NEDD9: variants seen among roughly 807,000 people sequenced by gnomAD.
NEDD9 encodes the protein neural precursor cell expressed, developmentally down-regulated 9, also known as enhancer of filamentation 1.
A neutral mutation model predicts 76.6 loss-of-function variants in NEDD9; 26 were observed. The ratio of observed to expected loss-of-function variants is 0.34; its 90% CI spans 0.25 to 0.47. The LOEUF (loss-of-function observed/expected upper bound fraction) is 0.47. Among genes scored for constraint, NEDD9 ranks in the 20% least tolerant of loss-of-function variants. The pLI is 1.00. For synonymous variants in NEDD9, 392 were observed against 414.2 expected, an observed-to-expected ratio of 0.95 and a Z score of 0.65; for missense variants, 937 against 1,058.5, an observed-to-expected ratio of 0.89 and a Z score of 1.59.
chr6:11,226,484 G>T (rs1251049966), intron 1 of NEDD9, among the ~76,000 whole-genome samples: 9 of 152,116 alleles, frequency 5.9e-5, no homozygotes, highest in African/African-American at 2.2e-4. Context: ...AATTTGTTCA[G>T]ATTTCTTTCT....
intron 3 of NEDD9, among the ~76,000 whole-genome samples, chr6:11,248,659 G>C (rs990167691): frequency 6.6e-6 from 1 of 152,144 alleles, no homozygotes; most frequent in African/African-American, 2.4e-5. Flanking sequence ...AGAAGGCATC[G>C]GAGCCTTTGG....
At chr6:11,274,747 A>G (rs79931448) in intron 3 of NEDD9, among the ~76,000 whole-genome samples, 12,473 of 152,254 alleles carry the variant, frequency 0.082, 604 homozygotes, top group Middle Eastern at 0.15. Flanking sequence ...GAATAAAAGA[A>G]CCCTTACACA....
chr6:11,292,245 T>A (rs1760796185), intron 3 of NEDD9, among the ~76,000 whole-genome samples: 1 of 152,184 alleles, frequency 6.6e-6, no homozygotes, highest in Non-Finnish European at 1.5e-5. Context: ...TGACCCGGTG[T>A]TAAATCAAGA....
intron 3 of NEDD9, among the ~76,000 whole-genome samples, chr6:11,282,260 A>T (rs7765273): frequency 0.99 from 151,383 of 152,354 alleles, 75,213 homozygotes; most frequent in East Asian, 1. Context: ...CCTTGGAGCA[A>T]TTTTACAGTT....
At chr6:11,347,653 A>G (rs1762388271) in intron 1 of NEDD9, among the ~76,000 whole-genome samples, 1 of 152,226 alleles carries the variant, frequency 6.6e-6, no homozygotes, top group African/African-American at 2.4e-5. Flanking sequence ...TGTGCAAATC[A>G]ATAAATGTGA....
chr6:11,239,593 A>G (rs1295045326), intron 3 of NEDD9, among the ~76,000 whole-genome samples: 1 of 152,004 alleles, frequency 6.6e-6, no homozygotes, highest in East Asian at 1.9e-4. Flanking sequence ...TTGATTCTTT[A>G]TATACTGTGA....
chr6:11,245,233 T>C (rs1261605195), intron 3 of NEDD9, among the ~76,000 whole-genome samples: 1 of 152,190 alleles, frequency 6.6e-6, no homozygotes, highest in Non-Finnish European at 1.5e-5. Flanking sequence ...ATGAGACTTA[T>C]GTATTAGGAA....
At position 11,213,816 on chromosome 6, in the gene NEDD9, A is replaced by G. The variant is rs556593717; in HGVS notation, c.13-89T>C. ...GGCCCGTGCTCTTATGGAAAGGCAC[A>G]CTTCCTGGAAAGAGAGAAGCATAAA... On this transcript the variant is annotated intron_variant, in intron 1 of 6. Coordinates refer to ENST00000379446, the MANE Select transcript of NEDD9 (RefSeq NM_006403.4). The surrounding 1 kb of genome is among the most constrained non-coding windows in gnomAD (Gnocchi z 5.4). The G allele has an allele frequency of 1.4e-5, 16 of 1,141,598 alleles. No individual in the cohort carries two copies. In the East Asian group the frequency reaches 3.8e-4, roughly 27 times the overall value. The allele number at this position is 1,141,598 out of a possible 1,614,324, so 70.7% of individuals were successfully genotyped here.
chr6:11,271,232 T>C (rs144428268), intron 3 of NEDD9, among the ~76,000 whole-genome samples: 3 of 152,328 alleles, frequency 2.0e-5, no homozygotes, highest in African/African-American at 7.2e-5. Flanking sequence ...AAATGCGGTC[T>C]CATTTTGTTG....
At chr6:11,246,904 C>T (rs1246864574) in intron 3 of NEDD9, among the ~76,000 whole-genome samples, 8 of 152,202 alleles carry the variant, frequency 5.3e-5, no homozygotes, top group Middle Eastern at 3.4e-3. Flanking sequence ...TCAGAATGAA[C>T]GACATGTGAC....
rs1326441522 is a variant in NEDD9 at position 11,240,086 on chromosome 6, G to A, written c.13-26359C>T. On this transcript the variant is annotated intron_variant, in intron 3 of 3. Transcript: ENST00000397378. ...AAAGAAATTTGTTTCTGCAGATGGA[G>A]GTGGAGGGTAGTGTCTTCTAAAAAA... 2.0e-5 allele frequency among the ~76,000 whole-genome samples: 3 copies of A among 151,698 alleles called. No homozygotes were observed. In the East Asian group the frequency reaches 5.8e-4, roughly 29 times the overall value.
At chr6:11,243,163 GA>G (rs1759741437) in intron 3 of NEDD9, among the ~76,000 whole-genome samples, 1 of 152,154 alleles carries the variant, frequency 6.6e-6, no homozygotes, top group Admixed American at 6.5e-5. Flanking sequence ...CACTTGCCAT[GA>G]CCAGAGAGTG....
chr6:11,362,179 T>C (rs533479213), intron 1 of NEDD9, among the ~76,000 whole-genome samples: 1 of 152,336 alleles, frequency 6.6e-6, no homozygotes, highest in East Asian at 1.9e-4. Flanking sequence ...GAGAGCTCTC[T>C]ACCTCTTTTG....
At chr6:11,306,105 C>T (rs1263073981) in exon 3 of NEDD9, 2 of 1,385,884 alleles carry the variant, frequency 1.4e-6, no homozygotes, top group South Asian at 1.2e-5. Flanking sequence ...ACTTGAAGAA[C>T]ATATGATGTT....
chr6:11,317,758 G>T (rs1049942780), intron 2 of NEDD9, among the ~76,000 whole-genome samples: 1 of 152,178 alleles, frequency 6.6e-6, no homozygotes, highest in Non-Finnish European at 1.5e-5. Flanking sequence ...CAGTGCACCC[G>T]AGAACAGGAA....
chr6:11,290,305 T>C (rs1010643802), intron 3 of NEDD9, among the ~76,000 whole-genome samples: 3 of 152,208 alleles, frequency 2.0e-5, no homozygotes, highest in African/African-American at 7.2e-5. Context: ...CAGACCTTCA[T>C]TCCCCCCAAA....
intron 3 of NEDD9, among the ~76,000 whole-genome samples, chr6:11,286,355 G>A (rs1053741575): frequency 1.3e-5 from 2 of 152,214 alleles, no homozygotes; most frequent in East Asian, 3.8e-4. Context: ...AAATGTGTTG[G>A]CAAGGGTGAG....
intron 3 of NEDD9, chr6:11,249,079 C>G: frequency 4.4e-6 from 2 of 454,754 alleles, no homozygotes; most frequent in Non-Finnish European, 8.8e-6. Context: ...GCAATGCCCA[C>G]GTATTTGGTC....
At position 11,220,547 on chromosome 6, in the gene NEDD9, T is replaced by C. The variant is rs996501659; in HGVS notation, c.13-6820A>G. Among the ~76,000 whole-genome samples the C allele has an allele frequency of 2.6e-5, 4 of 152,326 alleles. No homozygotes were observed. The South Asian group carries it at 6.2e-4, about 24-fold the overall frequency. ...TGGGGCAGCGCCCTGTGTGTGGTTG[T>C]AGATCCAGGGCTTGGAATCTTAACA... is the stretch of plus-strand genomic sequence containing the variant. On this transcript the variant is annotated intron_variant, in intron 1 of 6. Coordinates refer to ENST00000379446, the MANE Select transcript of NEDD9 (RefSeq NM_006403.4).
Sources: allele counts gnomAD v4.1 joint callset (sites outside exome capture counted in the v4.1 genomes callset), GRCh38; gene constraint gnomAD v4.1.1; non-coding constraint Gnocchi (gnomAD v3.1); transcripts MANE v1.5; gene names NCBI Gene and HGNC (gene_info 2026-07-23, HGNC 2026-07-21).